The following GRID2 variants were observed in gnomAD, a reference collection of about 807,000 sequenced individuals.
GRID2 encodes the protein glutamate ionotropic receptor delta type subunit 2.
In GRID2, 33 loss-of-function variants were observed where a neutral mutation model predicts 114.8. That is an observed-to-expected ratio of 0.29 (90% confidence interval 0.22 to 0.38). The LOEUF (loss-of-function observed/expected upper bound fraction) is 0.38, where lower values mean the gene tolerates loss of function less well. GRID2 is among the 10% of genes least tolerant of loss of function. GRID2 has a pLI of 1.00. For synonymous variants in GRID2, 505 were observed against 449.9 expected (o/e 1.12, Z -1.55); for missense variants, 1,184 against 1,257.7 (o/e 0.94, Z 0.89).
At chr4:93,037,775 C>T (rs969803213) in intron 2 of GRID2, among the ~76,000 whole-genome samples, 1 of 152,018 alleles carries the variant, frequency 6.6e-6, no homozygotes, top group African/African-American at 2.4e-5. Context: ...TTTCTGAGGC[C>T]TCTGTTCTGT....
intron 8 of GRID2, among the ~76,000 whole-genome samples, chr4:93,243,841 A>G (rs918072863): frequency 6.6e-6 from 1 of 152,086 alleles, no homozygotes; most frequent in East Asian, 1.9e-4. Context: ...ACATGTTAGC[A>G]CATTGTATAT....
chr4:92,895,853 A>C (rs1164462766), intron 2 of GRID2, among the ~76,000 whole-genome samples: 1 of 152,168 alleles, frequency 6.6e-6, no homozygotes, highest in Non-Finnish European at 1.5e-5. Context: ...TCAATGAACA[A>C]CAAACCCTAT....
At chr4:93,553,488 C>A (rs1733988914) in intron 13 of GRID2, among the ~76,000 whole-genome samples, 1 of 152,164 alleles carries the variant, frequency 6.6e-6, no homozygotes, top group Non-Finnish European at 1.5e-5. Flanking sequence ...TTCCTCTCAG[C>A]TGTGTGTATT....
chr4:92,721,267 A>G (rs891431990), intron 2 of GRID2, among the ~76,000 whole-genome samples: 3 of 152,102 alleles, frequency 2.0e-5, no homozygotes, highest in African/African-American at 7.2e-5. Flanking sequence ...TAATGTCACT[A>G]AGCTGTACAC....
At position 92,388,410 on chromosome 4, in the gene GRID2, C is replaced by T. The variant is rs564637360; in HGVS notation, c.88+83666C>T. Reference sequence around the variant, plus strand: ...CCCTGGCTCTCTCTCTGGTGAGCTACCACCTCATTTACCTTCCCACTGCCT... The same window carrying T: ...CCCTGGCTCTCTCTCTGGTGAGCTATCACCTCATTTACCTTCCCACTGCCT... On this transcript the variant is annotated intron_variant, in intron 1 of 15. Transcript: ENST00000282020. Among the ~76,000 whole-genome samples the T allele has an allele frequency of 2.6e-5, 4 of 152,048 alleles. No homozygotes were observed. In the South Asian group the frequency reaches 8.3e-4, roughly 32 times the overall value.
intron 14 of GRID2, among the ~76,000 whole-genome samples, chr4:93,755,290 G>C (rs998108701): frequency 2.0e-5 from 3 of 152,158 alleles, no homozygotes; most frequent in Non-Finnish European, 2.9e-5. Context: ...TAATAGATAA[G>C]TCTCATTAAG....
chr4:92,632,816 A>G (rs923107250), intron 2 of GRID2, among the ~76,000 whole-genome samples: 1 of 152,124 alleles, frequency 6.6e-6, no homozygotes, highest in African/African-American at 2.4e-5. Context: ...TTATACATTG[A>G]AAGTAGATTG....
chr4:92,876,047 G>A (rs1422114363), intron 2 of GRID2, among the ~76,000 whole-genome samples: 4 of 151,816 alleles, frequency 2.6e-5, no homozygotes, highest in African/African-American at 7.3e-5. Flanking sequence ...TTCTTAATAC[G>A]CTCTCAATTC....
At chr4:93,160,974 G>A (rs903563196) in intron 4 of GRID2, among the ~76,000 whole-genome samples, 1 of 151,738 alleles carries the variant, frequency 6.6e-6, no homozygotes, top group Non-Finnish European at 1.5e-5. Context: ...ATGTCCAGTT[G>A]CAAAACTGCC....
intron 2 of GRID2, among the ~76,000 whole-genome samples, chr4:92,960,251 T>C (rs1752713166): frequency 6.6e-6 from 1 of 151,994 alleles, no homozygotes; most frequent in Admixed American, 6.6e-5. Flanking sequence ...TTGAATGAAG[T>C]ACCCAATAGA....
intron 9 of GRID2, among the ~76,000 whole-genome samples, chr4:93,414,682 A>T: frequency 1.4e-5 from 1 of 71,700 alleles, no homozygotes; most frequent in South Asian, 5.2e-4. Context: ...ACCATCTGAC[A>T]TTTTATATAT....
chr4:93,356,125 T>A (rs529346347), intron 8 of GRID2, among the ~76,000 whole-genome samples: 11 of 152,084 alleles, frequency 7.2e-5, no homozygotes, highest in Non-Finnish European at 1.3e-4. Flanking sequence ...CGTATAAATA[T>A]AAACTTACCT....
rs1421742803 is a variant in GRID2, at chr4:92,936,123, T to C, written c.245-148872T>C. Among the ~76,000 whole-genome samples, 4 of 146,994 alleles carry C rather than the reference T, an allele frequency of 2.7e-5. 1 individual carries two copies. Among genetic ancestry groups the C allele is most frequent in the Non-Finnish European group, 6.0e-5 (4 of 66,346 alleles). On this transcript the variant is annotated intron_variant, in intron 2 of 15. Coordinates refer to ENST00000282020, the MANE Select transcript of GRID2 (RefSeq NM_001510.4). The stretch of plus-strand genomic sequence containing the variant: ...ATGTTAAACAAAAGAAATGCACTTT[T>C]AAAATTATAAAGTATATTTTGTTAT...
At chr4:92,468,960 T>G (rs1156968631) in intron 1 of GRID2, among the ~76,000 whole-genome samples, 1 of 152,128 alleles carries the variant, frequency 6.6e-6, no homozygotes, top group Non-Finnish European at 1.5e-5. Flanking sequence ...TTTTGGTGTT[T>G]GAGGAGTAGC....
At chr4:93,739,923 C>T (rs148800211) in intron 14 of GRID2, among the ~76,000 whole-genome samples, 147 of 152,244 alleles carry the variant, frequency 9.7e-4, no homozygotes, top group Non-Finnish European at 1.9e-3. Context: ...TAAAATTCAT[C>T]TTCATAAAAA....
chr4:93,660,219 C>G (rs1370035368), intron 14 of GRID2, among the ~76,000 whole-genome samples: 1 of 151,920 alleles, frequency 6.6e-6, no homozygotes, highest in Non-Finnish European at 1.5e-5. Flanking sequence ...AAAATGCTAT[C>G]CCAGTCAAAA....
intron 2 of GRID2, among the ~76,000 whole-genome samples, chr4:93,045,514 C>T (rs1394656003): frequency 6.6e-6 from 1 of 152,016 alleles, no homozygotes; most frequent in Non-Finnish European, 1.5e-5. Context: ...TTTTCACATT[C>T]CCTTTTATAG....
chr4:93,437,165 T>C (rs575762115), intron 10 of GRID2, among the ~76,000 whole-genome samples: 20 of 152,242 alleles, frequency 1.3e-4, no homozygotes, highest in African/African-American at 4.1e-4. Context: ...GATATAGAGC[T>C]TACTTATTCC....
At chr4:93,685,934 A>G (rs1726038425) in intron 14 of GRID2, among the ~76,000 whole-genome samples, 1 of 152,016 alleles carries the variant, frequency 6.6e-6, no homozygotes, top group Non-Finnish European at 1.5e-5. Context: ...CAGGGGAGAG[A>G]GGCTGTGAGA....
Sources: allele counts gnomAD v4.1 joint callset (sites outside exome capture counted in the v4.1 genomes callset), GRCh38; gene constraint gnomAD v4.1.1; transcripts MANE v1.5; gene names NCBI Gene and HGNC (gene_info 2026-07-23, HGNC 2026-07-21).